The following ADAMTS18 variants were observed in gnomAD, a reference collection of about 807,000 sequenced individuals.
ADAMTS18 encodes A disintegrin and metalloproteinase with thrombospondin motifs 18.
A neutral mutation model predicts 165.9 loss-of-function variants in ADAMTS18; 157 were observed. The ratio of observed to expected loss-of-function variants is 0.95; its 90% confidence interval spans 0.83 to 1.08. The LOEUF (loss-of-function observed/expected upper bound fraction) is 1.08. Among genes scored for constraint, ADAMTS18 ranks in the 50% least tolerant of loss-of-function variants. The pLI is 0.00. For synonymous variants in ADAMTS18, 782 were observed against 578.2 expected (o/e 1.35, Z -5.06); for missense variants, 2,040 against 1,534.0 (o/e 1.33, Z -5.51).
chr16:77,414,577 A>G (rs562251458), intron 3 of ADAMTS18, among the ~76,000 whole-genome samples: 34 of 152,320 alleles, frequency 2.2e-4, no homozygotes, highest in African/African-American at 6.7e-4. Context: ...GACTTGCATT[A>G]TATTTCTACT....
At position 77,291,313 on chromosome 16, in the gene ADAMTS18, G is replaced by A. The variant is rs145597958; in HGVS notation, c.3355C>T (p.Pro1119Ser). ...CATCCAGCTACCATGTTGTACACTG[G>A]ATGGGCTGGGCAAGCCCGTCGGTTG... Reference protein sequence around the residue: ...TCNRRACPAHPVYNMVAGWYS... With the variant: ...TCNRRACPAHSVYNMVAGWYS... Residue 1119 changes from proline (P) to serine (S), a missense_variant, in exon 21 of 23, where the codon CCA becomes TCA. Coordinates refer to ENST00000282849, the MANE Select transcript of ADAMTS18 (RefSeq NM_199355.4). 6.2e-7 allele frequency: 1 copy of A among 1,614,190 alleles called. No homozygotes were observed. Among genetic ancestry groups the A allele is most frequent in the East Asian group, 2.2e-5 (1 of 44,872 alleles).
chr16:77,327,268 T>C (rs904061422), intron 12 of ADAMTS18, among the ~76,000 whole-genome samples: 1 of 152,222 alleles, frequency 6.6e-6, no homozygotes, highest in African/African-American at 2.4e-5. Flanking sequence ...TCTGAGATTT[T>C]TGTGCACCCC....
intron 9 of ADAMTS18, among the ~76,000 whole-genome samples, chr16:77,354,282 A>G (rs998894970): frequency 6.6e-6 from 1 of 152,236 alleles, no homozygotes; most frequent in African/African-American, 2.4e-5. Flanking sequence ...AGACAGACAC[A>G]GTACCTGTCT....
At chr16:77,411,782 G>C (rs2057467182) in intron 3 of ADAMTS18, among the ~76,000 whole-genome samples, 1 of 146,072 alleles carries the variant, frequency 6.8e-6, no homozygotes, top group African/African-American at 2.6e-5. Context: ...TGCCTCTCAG[G>C]CTCAAGCGAT....
At chr16:77,287,466 C>T (rs1023539770) in intron 22 of ADAMTS18, among the ~76,000 whole-genome samples, 1 of 152,050 alleles carries the variant, frequency 6.6e-6, no homozygotes, top group East Asian at 1.9e-4. Flanking sequence ...CCTGACTCAG[C>T]CATGAGGCAC....
At chr16:77,301,096 T>G (rs766528890) in intron 16 of ADAMTS18, among the ~76,000 whole-genome samples, 1 of 152,174 alleles carries the variant, frequency 6.6e-6, no homozygotes, top group Non-Finnish European at 1.5e-5. Flanking sequence ...TGCATTAGAA[T>G]AGACTTAACC....
intron 3 of ADAMTS18, among the ~76,000 whole-genome samples, chr16:77,409,602 A>G (rs1390821939): frequency 2.0e-5 from 3 of 152,182 alleles, no homozygotes; most frequent in Non-Finnish European, 4.4e-5. Flanking sequence ...TCGGGGCTTG[A>G]TGACCTACAG....
intron 16 of ADAMTS18, among the ~76,000 whole-genome samples, chr16:77,319,254 T>C (rs1037054457): frequency 1.3e-5 from 2 of 152,106 alleles, no homozygotes; most frequent in Non-Finnish European, 2.9e-5. Flanking sequence ...ACCAGCATAA[T>C]ATAAAAAGTA....
intron 10 of ADAMTS18, among the ~76,000 whole-genome samples, chr16:77,343,284 G>T (rs2056427311): frequency 6.6e-6 from 1 of 152,186 alleles, no homozygotes; most frequent in Non-Finnish European, 1.5e-5. Flanking sequence ...ACGTTGGCCA[G>T]GCTGGTCTCG....
chr16:77,302,004 C>CTTT (rs4038557), intron 16 of ADAMTS18, among the ~76,000 whole-genome samples: 8 of 128,788 alleles, frequency 6.2e-5, no homozygotes, highest in African/African-American at 1.2e-4. Flanking sequence ...CTAGTCTTTG[C>CTTT]TTTTTTTTTT....
At chr16:77,286,016 T>C (rs1438494347) in intron 22 of ADAMTS18, among the ~76,000 whole-genome samples, 1 of 152,238 alleles carries the variant, frequency 6.6e-6, no homozygotes, top group African/African-American at 2.4e-5. Context: ...GCTTCCATCG[T>C]ACTCAGCGTT....
chr16:77,289,606 G>T (rs939659038), intron 21 of ADAMTS18, among the ~76,000 whole-genome samples, 195 bp from the exon 22 acceptor site: 1 of 152,190 alleles, frequency 6.6e-6, no homozygotes, highest in Non-Finnish European at 1.5e-5. Context: ...GATTAGAAGG[G>T]TTTTAGGCAA....
At chr16:77,340,229 C>G (rs1455922639) in intron 11 of ADAMTS18, among the ~76,000 whole-genome samples, 3 of 152,180 alleles carry the variant, frequency 2.0e-5, no homozygotes, top group African/African-American at 7.2e-5. Context: ...GGCTGGAATT[C>G]AGTGGCACAA....
intron 16 of ADAMTS18, among the ~76,000 whole-genome samples, chr16:77,313,486 T>TAA (rs35955033): frequency 6.8e-6 from 1 of 146,236 alleles, no homozygotes. Context: ...ACTCAAGGTT[T>TAA]AAAAAAAAAA....
chr16:77,310,431 A>G (rs903307639), intron 16 of ADAMTS18, among the ~76,000 whole-genome samples: 3 of 152,114 alleles, frequency 2.0e-5, no homozygotes, highest in Non-Finnish European at 4.4e-5. Flanking sequence ...GGAAACTGGG[A>G]CCCTGATCAT....
chr16:77,348,600 C>A (rs1027589221), intron 10 of ADAMTS18, among the ~76,000 whole-genome samples: 1 of 152,206 alleles, frequency 6.6e-6, no homozygotes, highest in Non-Finnish European at 1.5e-5. Context: ...GAGGGGACAT[C>A]TTCCACTTTA....
chr16:77,395,083 C>G lies in ADAMTS18; in HGVS notation c.496-27360G>C, dbSNP rs536689628. ...GCTTCACAACAACTTTATTTCTGGTCCAAGGAGGTCTAAGGAAGGATACAG... is the reference window on the plus strand; with the variant it reads ...GCTTCACAACAACTTTATTTCTGGTGCAAGGAGGTCTAAGGAAGGATACAG... On this transcript the variant is annotated intron_variant, in intron 3 of 22. Coordinates refer to ENST00000282849, the MANE Select transcript of ADAMTS18 (RefSeq NM_199355.4). 2.6e-5 allele frequency among the ~76,000 whole-genome samples: 4 copies of G among 152,302 alleles called. No individual in the cohort carries two copies. In the East Asian group the frequency reaches 5.8e-4, roughly 22 times the overall value.
intron 3 of ADAMTS18, among the ~76,000 whole-genome samples, chr16:77,388,940 G>A (rs187918232): frequency 1.0e-3 from 156 of 152,274 alleles, no homozygotes; most frequent in African/African-American, 3.6e-3. Flanking sequence ...TAATGAAGCT[G>A]GCAGCAGTCA....
At position 77,294,442 on chromosome 16, in the gene ADAMTS18, T is replaced by TGTGAG. The variant is rs369640221; in HGVS notation, c.3006+480_3006+481insCTCAC. Among the ~76,000 whole-genome samples the TGTGAG allele has an allele frequency of 2.4e-3, 372 of 152,294 alleles. 1 individual carries two copies. Among genetic ancestry groups the TGTGAG allele is most frequent in the African/African-American group, 8.6e-3 (358 of 41,568 alleles). ...TCTGAGCTGTGAACGACAAGGTAGCTCTCTGTCCCTTCTAACTTTAAAATT... is the reference window on the plus strand; with the variant it reads ...TCTGAGCTGTGAACGACAAGGTAGCTGTGAGCTCTGTCCCTTCTAACTTTAAAATT... On this transcript the variant is annotated intron_variant, in intron 19 of 22. Coordinates refer to ENST00000282849, the MANE Select transcript of ADAMTS18 (RefSeq NM_199355.4).
Sources: gnomAD v4.1 joint callset for allele counts (sites outside exome capture counted in the v4.1 genomes callset) on GRCh38, gnomAD v4.1.1 for gene constraint, MANE v1.5 for transcripts, NCBI Gene and HGNC (gene_info 2026-07-23, HGNC 2026-07-21) for gene names.